NEDD4L: variants seen among roughly 807,000 people sequenced by gnomAD.
NEDD4L encodes the protein NEDD4 like E3 ubiquitin protein ligase, also known as E3 ubiquitin-protein ligase NEDD4-like.
NEDD4L carries 54 observed loss-of-function variants against 148.9 expected under a neutral mutation model. That is an observed-to-expected ratio of 0.36 (90% confidence interval 0.29 to 0.45). The LOEUF is 0.45. Among genes scored for constraint, NEDD4L ranks in the 20% least tolerant of loss-of-function variants. The pLI is 1.00. For synonymous variants in NEDD4L, 433 were observed against 440.7 expected, an observed-to-expected ratio of 0.98 and a Z score of 0.22; for missense variants, 856 against 1,233.8, an observed-to-expected ratio of 0.69 and a Z score of 4.59.
Position 58,316,132 on chromosome 18 carries a change from A to G in NEDD4L, c.348+100A>G, listed in dbSNP as rs2288775. On this transcript the variant is annotated intron_variant, in intron 6 of 30. Coordinates refer to ENST00000400345, the MANE Select transcript of NEDD4L (RefSeq NM_001144967.3). The stretch of plus-strand genomic sequence containing the variant: ...AGAGTGGCATTTCTTCACCACGGTG[A>G]AGAAGGCTGAAATGAAGCACGTGTG... The G allele has an allele frequency of 0.2, 195,232 of 973,444 alleles. 21,813 individuals carry two copies. Among genetic ancestry groups the G allele is most frequent in the African/African-American group, 0.4 (24,660 of 62,054 alleles). The allele number at this position is 973,444 out of a possible 1,614,324, so 60.3% of individuals were successfully genotyped here.
intron 2 of NEDD4L, among the ~76,000 whole-genome samples, chr18:58,194,880 G>A (rs568408111): frequency 2.6e-4 from 39 of 152,294 alleles, no homozygotes; most frequent in African/African-American, 8.9e-4. Context: ...TTGCAGGACC[G>A]GTGGTCCAAA....
intron 1 of NEDD4L, among the ~76,000 whole-genome samples, chr18:58,088,716 A>G (rs745928655): frequency 6.6e-6 from 1 of 151,978 alleles, no homozygotes; most frequent in Non-Finnish European, 1.5e-5. Context: ...TTTTTTTTGC[A>G]TCATAAATCA....
At position 58,270,005 on chromosome 18, in the gene NEDD4L, C is replaced by G. The variant is rs928408457; in HGVS notation, c.297+17951C>G. Among the ~76,000 whole-genome samples, 49 of 152,340 alleles carry G rather than the reference C, an allele frequency of 3.2e-4. 1 individual carries two copies. The highest frequency in any genetic ancestry group is 1.1e-3 in the African/African-American group (47 of 41,582). On this transcript the variant is annotated intron_variant, in intron 5 of 30. Transcript: ENST00000400345. ...ACTGAAATGAAAGGATTAATTTTCT[C>G]TCAGTTTCCTACTGCAAGAAGTAAG...
chr18:58,145,479 TA>T (rs1401840246), intron 1 of NEDD4L, among the ~76,000 whole-genome samples: 1 of 152,192 alleles, frequency 6.6e-6, no homozygotes, highest in Non-Finnish European at 1.5e-5. Flanking sequence ...TCCTCTTTTG[TA>T]AAATACACCA....
intron 1 of NEDD4L, among the ~76,000 whole-genome samples, chr18:58,072,210 A>G (rs774132849): frequency 3.3e-5 from 5 of 152,208 alleles, no homozygotes; most frequent in Admixed American, 1.3e-4. Flanking sequence ...ACCGAGTATT[A>G]TTATAAACTC....
intron 2 of NEDD4L, chr18:58,198,004 A>G (rs1573389): frequency 0.34 from 51,245 of 152,164 alleles, 8,851 homozygotes; most frequent in East Asian, 0.47. Flanking sequence ...CTTTGGCACC[A>G]ACCTGCCTTC....
chr18:58,111,238 T>A, intron 1 of NEDD4L, among the ~76,000 whole-genome samples: 1 of 152,184 alleles, frequency 6.6e-6, no homozygotes, highest in South Asian at 2.1e-4. Context: ...CAGCTAGTTT[T>A]TGTATTTTTA....
chr18:58,239,571 G>A (rs2046399082), intron 2 of NEDD4L, among the ~76,000 whole-genome samples: 1 of 152,102 alleles, frequency 6.6e-6, no homozygotes, highest in African/African-American at 2.4e-5. Flanking sequence ...ATAAAAATGA[G>A]CAAATAATAG....
At chr18:58,195,406 C>T (rs752733050) in intron 2 of NEDD4L, 3 of 1,277,382 alleles carry the variant, frequency 2.3e-6, no homozygotes, top group Non-Finnish European at 2.0e-6. Flanking sequence ...GTGTTCCCCA[C>T]ATTTGAATTT....
rs543899616 is a variant in NEDD4L at position 58,309,929 on chromosome 18, T to C, written c.298-6053T>C. Among the ~76,000 whole-genome samples the C allele has an allele frequency of 3.9e-5, 6 of 152,284 alleles. No homozygotes were observed. In the East Asian group the frequency reaches 7.7e-4, roughly 20 times the overall value. ...TGTCTTCTCACCACCCCGATTATACTGGTCTAGTTATGCTTTGGAGTTAAA... is the reference window on the plus strand; with the variant it reads ...TGTCTTCTCACCACCCCGATTATACCGGTCTAGTTATGCTTTGGAGTTAAA... On this transcript the variant is annotated intron_variant, in intron 5 of 30. Coordinates refer to ENST00000400345, the MANE Select transcript of NEDD4L (RefSeq NM_001144967.3).
At chr18:58,222,600 C>G (rs1367822119) in intron 2 of NEDD4L, among the ~76,000 whole-genome samples, 1 of 152,068 alleles carries the variant, frequency 6.6e-6, no homozygotes, top group Non-Finnish European at 1.5e-5. Flanking sequence ...TGTTAGTTAA[C>G]TGGTTATAGT....
intron 5 of NEDD4L, among the ~76,000 whole-genome samples, chr18:58,286,560 C>T (rs779929025): frequency 2.6e-5 from 4 of 152,072 alleles, no homozygotes; most frequent in Non-Finnish European, 5.9e-5. Flanking sequence ...ATCTAGTCTG[C>T]ACTCTTTATC....
At chr18:58,211,386 T>G (rs2042588856) in intron 2 of NEDD4L, among the ~76,000 whole-genome samples, 2 of 152,196 alleles carry the variant, frequency 1.3e-5, no homozygotes, top group Admixed American at 6.5e-5. Flanking sequence ...TTTTCTGTGT[T>G]TTGAAGATAA....
chr18:58,089,412 G>A (rs998576680), intron 1 of NEDD4L, among the ~76,000 whole-genome samples: 11 of 152,086 alleles, frequency 7.2e-5, no homozygotes, highest in African/African-American at 2.7e-4. Context: ...TGGGATTACA[G>A]GCGTGAACCA....
chr18:58,274,457 T>C (rs2051559976), intron 5 of NEDD4L, among the ~76,000 whole-genome samples: 1 of 152,174 alleles, frequency 6.6e-6, no homozygotes, highest in Non-Finnish European at 1.5e-5. Context: ...AGGGCAGCCA[T>C]GCACAGGTTG....
chr18:58,179,206 C>T (rs1247123629), intron 2 of NEDD4L, among the ~76,000 whole-genome samples: 3 of 152,156 alleles, frequency 2.0e-5, no homozygotes, highest in African/African-American at 7.2e-5. Flanking sequence ...TTCATCTTCT[C>T]TTATTATTGC....
At chr18:58,115,040 C>T (rs150835921) in intron 1 of NEDD4L, among the ~76,000 whole-genome samples, 9 of 152,262 alleles carry the variant, frequency 5.9e-5, no homozygotes, top group African/African-American at 1.2e-4. Flanking sequence ...TCTGTGTAAG[C>T]TGACCTAGTC....
intron 1 of NEDD4L, among the ~76,000 whole-genome samples, chr18:58,066,208 T>A (rs1371730839): frequency 1.3e-5 from 2 of 152,162 alleles, no homozygotes; most frequent in Non-Finnish European, 2.9e-5. Context: ...GGGTAAACCG[T>A]TTTTGGAAGC....
At chr18:58,268,183 A>C (rs1486117266) in intron 5 of NEDD4L, among the ~76,000 whole-genome samples, 1 of 152,070 alleles carries the variant, frequency 6.6e-6, no homozygotes, top group African/African-American at 2.4e-5. Flanking sequence ...GAGCCCGACC[A>C]AAAACAGGGT....
Sources: gnomAD v4.1 joint callset for allele counts (sites outside exome capture counted in the v4.1 genomes callset) on GRCh38, gnomAD v4.1.1 for gene constraint, MANE v1.5 for transcripts, NCBI Gene and HGNC (gene_info 2026-07-23, HGNC 2026-07-21) for gene names.